The following PARP10 variants were observed in gnomAD, a reference collection of about 807,000 sequenced individuals.
The protein encoded by PARP10 is protein mono-ADP-ribosyltransferase PARP10.
In PARP10, 56 loss-of-function variants were observed where a neutral mutation model predicts 82.4. That is an observed-to-expected ratio of 0.68 (90% confidence interval 0.55 to 0.85). The LOEUF (loss-of-function observed/expected upper bound fraction) is 0.85. Ranked by LOEUF, PARP10 falls within the 40% of genes least tolerant of loss-of-function variation. PARP10 has a pLI of 0.00. For missense variants in PARP10, 1,227 were observed against 1,379.4 expected (o/e 0.89, Z 1.75); for synonymous variants, 576 against 601.1 (o/e 0.96, Z 0.61).
chr8:143,997,632 G>A (rs1298136213), intron 1 of PARP10, among the ~76,000 whole-genome samples: 1 of 151,954 alleles, frequency 6.6e-6, no homozygotes, highest in Non-Finnish European at 1.5e-5. Context: ...TCACTTCTTT[G>A]AAGTTCTCTT....
chr8:143,984,103 A>C lies in PARP10; in HGVS notation c.1682T>G (p.Val561Gly), dbSNP rs782240412. ...CACTGGGAGGGCCTCGGTAGGGTCC[A>C]CCTGTAGGGAGAGGATGTCAGGACC... ...TATLDTGLEEVDPTEALPVLP... is the reference protein window; with the variant it reads ...TATLDTGLEEGDPTEALPVLP... Residue 561 changes from valine (V) to glycine (G), a missense_variant and splice_region_variant, in exon 7 of 11, where the codon GTG becomes GGG. Coordinates refer to ENST00000313028, the MANE Select transcript of PARP10 (RefSeq NM_032789.5). 6.4e-7 allele frequency: 1 copy of C among 1,554,862 alleles called. No homozygotes were observed. The highest frequency in any genetic ancestry group is 8.7e-7 in the Non-Finnish European group (1 of 1,149,506).
upstream of PARP10, among the ~76,000 whole-genome samples, chr8:143,987,764 G>A (rs914714104): frequency 1.3e-5 from 2 of 152,162 alleles, no homozygotes; most frequent in Admixed American, 6.5e-5. Context: ...GGTGGCAGGT[G>A]CCTATAATCT....
exon 1 of PARP10, chr8:144,012,668 C>T (rs938450449): frequency 1.4e-4 from 218 of 1,551,600 alleles, no homozygotes; most frequent in Non-Finnish European, 1.7e-4. Flanking sequence ...TCGGCATCAG[C>T]GGGTTCACGA....
chr8:144,000,896 C>CTTT (rs1834196826), intron 1 of PARP10, among the ~76,000 whole-genome samples: 1 of 138,404 alleles, frequency 7.2e-6, no homozygotes. Context: ...AAAATAAATT[C>CTTT]TTTGTGTGTG....
chr8:144,009,042 G>C (rs1386773405), intron 1 of PARP10, among the ~76,000 whole-genome samples: 2 of 152,162 alleles, frequency 1.3e-5, no homozygotes, highest in African/African-American at 4.8e-5. Context: ...GGAAGCAGCA[G>C]AGGCGTGGTG....
chr8:144,002,298 CAGCTA>C (rs1834208186), intron 1 of PARP10, among the ~76,000 whole-genome samples: 1 of 152,122 alleles, frequency 6.6e-6, no homozygotes, highest in Non-Finnish European at 1.5e-5. Context: ...CCTGCAGTAT[CAGCTA>C]CTCAGCAAGC....
chr8:143,980,698 G>A (rs1010145682), intron 9 of PARP10, among the ~76,000 whole-genome samples: 1 of 151,996 alleles, frequency 6.6e-6, no homozygotes, highest in South Asian at 2.1e-4. Flanking sequence ...TGAGTAACCC[G>A]GTGGTCAAGA....
chr8:143,991,983 T>C, upstream of PARP10: 4 of 1,613,560 alleles, frequency 2.5e-6, no homozygotes, highest in Non-Finnish European at 3.4e-6. Flanking sequence ...TGTCTGGACC[T>C]ACTATGTCTC....
rs782280403 is a variant in PARP10 at position 143,983,447 on chromosome 8, G to C, written c.2142C>G (p.Ala714=). ...DGKAQLVVHS[A]FEQDVEELDR... ...CCAGCTCCTCCACATCCTGCTCAAA[G>C]GCCGAGTGCACCACCAGCTGGGCCT... Residue 714 remains alanine (A), a synonymous_variant, in exon 8 of 11, where the codon GCC becomes GCG. Transcript: ENST00000313028. 8 of 1,605,838 alleles carry C rather than the reference G, an allele frequency of 5.0e-6. No homozygotes were observed. Among genetic ancestry groups the C allele is most frequent in the Admixed American group, 3.3e-5 (2 of 59,898 alleles).
At chr8:143,987,585 G>A (rs1266568709), upstream of PARP10, among the ~76,000 whole-genome samples, 3 of 152,180 alleles carry the variant, frequency 2.0e-5, no homozygotes, top group Admixed American at 1.3e-4. Flanking sequence ...CCCAGCATCA[G>A]CAACAGTAGA....
chr8:143,992,182 A>G, upstream of PARP10: 1 of 1,599,542 alleles, frequency 6.3e-7, no homozygotes, highest in Non-Finnish European at 8.5e-7. Flanking sequence ...CTCATGAGGC[A>G]GGGGCCGGCA....
At chr8:144,001,496 C>G (rs1554751703) in intron 1 of PARP10, among the ~76,000 whole-genome samples, 2 of 152,296 alleles carry the variant, frequency 1.3e-5, no homozygotes, top group South Asian at 2.1e-4. Context: ...CACTTGAGGT[C>G]AGGAGTTCAA....
chr8:143,982,211 T>C (rs1288872062), intron 9 of PARP10, among the ~76,000 whole-genome samples: 2 of 152,096 alleles, frequency 1.3e-5, no homozygotes, highest in Admixed American at 1.3e-4. Flanking sequence ...GGCTCACGCC[T>C]GTAATCCCAG....
At chr8:143,991,966 G>C, upstream of PARP10, 1 of 1,613,514 alleles carries the variant, frequency 6.2e-7, no homozygotes, top group Non-Finnish European at 8.5e-7. Flanking sequence ...GGCTTTGTCC[G>C]GGAGAATGTC....
upstream of PARP10, chr8:143,993,084 G>C (rs911388158): frequency 5.8e-6 from 3 of 514,436 alleles, no homozygotes; most frequent in African/African-American, 5.8e-5. Flanking sequence ...CCACGTTTCC[G>C]TGCCACCTCC....
upstream of PARP10, chr8:143,991,442 C>T (rs1554750451): frequency 2.7e-6 from 4 of 1,466,230 alleles, no homozygotes; most frequent in Middle Eastern, 2.5e-4. Context: ...CACAGGGTCC[C>T]TACCCCCAAG....
rs2133083477 is a variant in PARP10 at position 144,008,463 on chromosome 8, T to C, written c.-80+4067A>G. On this transcript the variant is annotated intron_variant, in intron 1 of 3. Transcript: ENST00000530478. The surrounding 1 kb of genome is among the most constrained non-coding windows in gnomAD (Gnocchi z 4.0). ...TGGGGACAAACTGTGCAAAAGCCAGTGACCCAAGACGGGAAGGAGGAGATC... is the reference window on the plus strand; with the variant it reads ...TGGGGACAAACTGTGCAAAAGCCAGCGACCCAAGACGGGAAGGAGGAGATC... 6.6e-6 allele frequency among the ~76,000 whole-genome samples: 1 copy of C among 152,292 alleles called. No individual in the cohort carries two copies. The highest frequency in any genetic ancestry group is 6.5e-5 in the Admixed American group (1 of 15,308).
intron 1 of PARP10, among the ~76,000 whole-genome samples, chr8:144,000,396 C>A (rs1834193464): frequency 6.6e-6 from 1 of 152,186 alleles, no homozygotes. Context: ...GGAGAGAGGA[C>A]TGGAAGAGAT....
At chr8:144,010,904 T>C (rs1196682526) in intron 1 of PARP10, among the ~76,000 whole-genome samples, 1 of 151,600 alleles carries the variant, frequency 6.6e-6, no homozygotes, top group East Asian at 1.9e-4. Flanking sequence ...AATAAATAAA[T>C]AAACAAATTT....
Sources: gnomAD v4.1 joint callset for allele counts (sites outside exome capture counted in the v4.1 genomes callset) on GRCh38, gnomAD v4.1.1 for gene constraint, Gnocchi (gnomAD v3.1) non-coding constraint, MANE v1.5 for transcripts, NCBI Gene and HGNC (gene_info 2026-07-23, HGNC 2026-07-21) for gene names.